The following CNTN1 variants were observed in gnomAD, a reference collection of about 807,000 sequenced individuals.
CNTN1 encodes contactin-1.
In CNTN1, 38 loss-of-function variants were observed where a neutral mutation model predicts 126.4. The observed-to-expected ratio is 0.30, with a 90% CI of 0.23 to 0.39. The LOEUF (loss-of-function observed/expected upper bound fraction) is 0.39, where lower values mean the gene tolerates loss of function less well. CNTN1 is among the 10% of genes least tolerant of loss of function. CNTN1 has a pLI of 1.00. For missense variants in CNTN1, 1,009 were observed against 1,248.4 expected (o/e 0.81, Z 2.89); for synonymous variants, 413 against 422.6 (o/e 0.98, Z 0.28).
At chr12:40,935,236 A>G (rs1946041455) in intron 9 of CNTN1, among the ~76,000 whole-genome samples, 1 of 152,084 alleles carries the variant, frequency 6.6e-6, no homozygotes, top group African/African-American at 2.4e-5. Flanking sequence ...GGAAGAAAAT[A>G]CTAGGTAAGG....
intron 1 of CNTN1, among the ~76,000 whole-genome samples, chr12:40,696,390 T>A (rs564861862): frequency 4.6e-5 from 7 of 152,366 alleles, no homozygotes; most frequent in African/African-American, 1.7e-4. Context: ...CTTTCTCTGC[T>A]TATTCCAGCA....
intron 16 of CNTN1, among the ~76,000 whole-genome samples, chr12:40,985,814 T>C (rs949892594): frequency 2.0e-5 from 3 of 152,176 alleles, no homozygotes; most frequent in African/African-American, 7.2e-5. Context: ...ACACATATGT[T>C]AGATTGTTTG....
intron 1 of CNTN1, among the ~76,000 whole-genome samples, chr12:40,863,573 C>T (rs1943185375): frequency 6.6e-6 from 1 of 152,228 alleles, no homozygotes. Flanking sequence ...AGACTGGTAC[C>T]AGTCCGTGAC....
chr12:40,863,077 G>A (rs1943170997), intron 1 of CNTN1, among the ~76,000 whole-genome samples: 2 of 152,252 alleles, frequency 1.3e-5, no homozygotes, highest in South Asian at 4.1e-4. Context: ...AGATGTTCAT[G>A]AGAGCACTGT....
At chr12:40,849,923 AAT>A (rs1014184850) in intron 1 of CNTN1, among the ~76,000 whole-genome samples, 4 of 151,956 alleles carry the variant, frequency 2.6e-5, no homozygotes, top group Admixed American at 6.6e-5. Context: ...CATCTCACCA[AAT>A]ATATATATCT....
intron 6 of CNTN1, among the ~76,000 whole-genome samples, chr12:40,928,728 A>G (rs1418150408): frequency 6.6e-6 from 1 of 152,056 alleles, no homozygotes; most frequent in African/African-American, 2.4e-5. Context: ...ATTATTCCCA[A>G]TTATGTGAAG....
intron 1 of CNTN1, among the ~76,000 whole-genome samples, chr12:40,866,124 C>A (rs1393577548): frequency 1.6e-5 from 1 of 64,220 alleles, no homozygotes; most frequent in Non-Finnish European, 3.6e-5. Context: ...TTGTTCATTG[C>A]AAGTATATAG....
chr12:40,871,849 AT>A (rs1237097943), intron 1 of CNTN1, among the ~76,000 whole-genome samples: 5 of 152,004 alleles, frequency 3.3e-5, no homozygotes, highest in Non-Finnish European at 7.4e-5. Context: ...AAAAATGCAG[AT>A]TTTTTGGCCA....
intron 1 of CNTN1, among the ~76,000 whole-genome samples, chr12:40,806,190 C>T (rs77557062): frequency 6.6e-6 from 1 of 152,016 alleles, no homozygotes; most frequent in Non-Finnish European, 1.5e-5. Context: ...TTCAAGAGTG[C>T]GGGTTTTTCA....
chr12:40,830,403 G>A (rs1302236611), intron 1 of CNTN1, among the ~76,000 whole-genome samples: 1 of 149,490 alleles, frequency 6.7e-6, no homozygotes, highest in East Asian at 2.0e-4. Context: ...AATTGGAAAT[G>A]GAGACTGAAT....
intron 17 of CNTN1, among the ~76,000 whole-genome samples, chr12:41,007,214 T>C (rs1948519370): frequency 6.6e-6 from 1 of 151,304 alleles, no homozygotes; most frequent in African/African-American, 2.4e-5. Flanking sequence ...CGCCCGCCAC[T>C]ACGCCCGGCT....
chr12:41,059,677 T>C (rs1949898271), intron 23 of CNTN1, among the ~76,000 whole-genome samples: 1 of 152,192 alleles, frequency 6.6e-6, no homozygotes, highest in Non-Finnish European at 1.5e-5. Context: ...ATAAATGTTG[T>C]AATGTGTCCT....
Position 40,748,723 on chromosome 12 carries a change from GC to G in CNTN1, c.-77+56132del, listed in dbSNP as rs1565681466. Among the ~76,000 whole-genome samples, 5 of 152,004 alleles carry G rather than the reference GC, an allele frequency of 3.3e-5. No homozygotes were observed. In the South Asian group the frequency reaches 1.0e-3, roughly 32 times the overall value. ...GTTTGTTCCTAAAGTCTTTTGTATT[GC>G]TGTTTTGTTAAATCTATTTGCTTAC... On this transcript the variant is annotated intron_variant, in intron 1 of 23. Transcript: ENST00000551295.
At chr12:40,740,791 C>T (rs536472509) in intron 1 of CNTN1, among the ~76,000 whole-genome samples, 3 of 152,158 alleles carry the variant, frequency 2.0e-5, no homozygotes, top group East Asian at 1.9e-4. Flanking sequence ...GAATAAGTCT[C>T]ACAAGATTTG....
intron 1 of CNTN1, among the ~76,000 whole-genome samples, chr12:40,703,373 C>T (rs1941649416): frequency 6.6e-6 from 1 of 152,008 alleles, no homozygotes; most frequent in African/African-American, 2.4e-5. Context: ...AGTTAAACTC[C>T]CCTGCTTTCA....
At chr12:41,048,276 A>T (rs1949589902) in intron 23 of CNTN1, among the ~76,000 whole-genome samples, 1 of 152,138 alleles carries the variant, frequency 6.6e-6, no homozygotes, top group Admixed American at 6.6e-5. Context: ...AGATTTTCCT[A>T]GCACATCCAC....
At chr12:40,794,993 G>A (rs1042705535) in intron 1 of CNTN1, among the ~76,000 whole-genome samples, 1 of 152,014 alleles carries the variant, frequency 6.6e-6, no homozygotes, top group Non-Finnish European at 1.5e-5. Flanking sequence ...TGTTATTATG[G>A]TATTTTGTGG....
intron 15 of CNTN1, among the ~76,000 whole-genome samples, chr12:40,964,119 C>G (rs1282431351): frequency 6.6e-6 from 1 of 152,138 alleles, no homozygotes; most frequent in Non-Finnish European, 1.5e-5. Context: ...CTAAGGAACA[C>G]TTTCCTGCCA....
chr12:40,943,888 C>A (rs908283558), intron 13 of CNTN1, 107 bp from the exon 14 acceptor site: 1 of 1,378,148 alleles, frequency 7.3e-7, no homozygotes, highest in Non-Finnish European at 1.0e-6. Context: ...GTGAAAACAT[C>A]TTATTATTTT....
Sources: allele counts gnomAD v4.1 joint callset (sites outside exome capture counted in the v4.1 genomes callset), GRCh38; gene constraint gnomAD v4.1.1; transcripts MANE v1.5; gene names NCBI Gene and HGNC (gene_info 2026-07-23, HGNC 2026-07-21).